Variants in CCDC102B observed in about 807,000 individuals in gnomAD.
The protein encoded by CCDC102B is coiled-coil domain-containing protein 102B.
In CCDC102B, 75 loss-of-function variants were observed where a neutral mutation model predicts 57.4. The observed-to-expected ratio is 1.31, with a 90% CI of 1.08 to 1.58. The LOEUF is 1.58. Among genes scored for constraint, CCDC102B ranks in the 40% most tolerant of loss-of-function variants. The pLI is 0.00. For synonymous variants in CCDC102B, 206 were observed against 201.9 expected, an observed-to-expected ratio of 1.02 and a Z score of -0.17; for missense variants, 636 against 582.6, an observed-to-expected ratio of 1.09 and a Z score of -0.94.
intron 6 of CCDC102B, among the ~76,000 whole-genome samples, chr18:69,005,336 G>A (rs1210859122): frequency 6.6e-6 from 1 of 152,026 alleles, no homozygotes; most frequent in African/African-American, 2.4e-5. Context: ...TGAACCATAT[G>A]TTATATGGTA....
chr18:68,757,528 T>TA (rs1568234813), intron 2 of CCDC102B, among the ~76,000 whole-genome samples: 1 of 152,170 alleles, frequency 6.6e-6, no homozygotes, highest in South Asian at 2.1e-4. Flanking sequence ...TAATGCTATT[T>TA]AAAAAAATAC....
intron 1 of CCDC102B, among the ~76,000 whole-genome samples, chr18:68,813,211 C>CCCTCTCT (rs2036339434): frequency 6.6e-6 from 1 of 151,986 alleles, no homozygotes; most frequent in Non-Finnish European, 1.5e-5. Flanking sequence ...CTGTCTCTCT[C>CCCTCTCT]CTGTTTCGCC....
rs1351129715 is a variant in CCDC102B at position 68,788,078 on chromosome 18, C to T, written c.-66-35288C>T. ...AACATCTTTATTTCTGCCTTCATTT[C>T]GTTATGTACCCAGTAGTCATTCAGG... is the stretch of plus-strand genomic sequence containing the variant. On this transcript the variant is annotated intron_variant, in intron 2 of 3. Transcript: ENST00000578970. Among the ~76,000 whole-genome samples, 14 of 151,590 alleles carry T rather than the reference C, an allele frequency of 9.2e-5. 1 individual carries two copies. Among genetic ancestry groups the T allele is most frequent in the Admixed American group, 3.3e-4 (5 of 15,238 alleles).
intron 6 of CCDC102B, among the ~76,000 whole-genome samples, chr18:68,934,140 C>T (rs1288297831): frequency 6.6e-6 from 1 of 151,888 alleles, no homozygotes; most frequent in African/African-American, 2.4e-5. Context: ...TTATAGTAAA[C>T]TAGTAATTTA....
intron 6 of CCDC102B, among the ~76,000 whole-genome samples, chr18:68,898,370 C>T (rs2040316302): frequency 6.6e-6 from 1 of 151,978 alleles, no homozygotes. Context: ...GGATTTATTG[C>T]AAATGCAAGA....
chr18:68,847,623 A>G (rs973504182), intron 4 of CCDC102B, among the ~76,000 whole-genome samples: 1 of 151,856 alleles, frequency 6.6e-6, no homozygotes, highest in African/African-American at 2.4e-5. Flanking sequence ...GACTTTTGGT[A>G]GCAAAGTAAG....
intron 6 of CCDC102B, among the ~76,000 whole-genome samples, chr18:68,924,189 A>G (rs959897604): frequency 6.7e-6 from 1 of 148,246 alleles, no homozygotes; most frequent in African/African-American, 2.5e-5. Context: ...TTTTCCTTAT[A>G]CACCTAATAT....
chr18:68,953,683 T>C (rs2049765454), intron 6 of CCDC102B, among the ~76,000 whole-genome samples: 2 of 152,114 alleles, frequency 1.3e-5, no homozygotes, highest in African/African-American at 4.8e-5. Flanking sequence ...TTGAGAGAAC[T>C]CTCATTACAT....
intron 6 of CCDC102B, 194 bp downstream of exon 6, chr18:68,897,622 G>A (rs770594740): frequency 6.5e-7 from 1 of 1,526,926 alleles, no homozygotes; most frequent in South Asian, 1.1e-5. Flanking sequence ...TGTGTCAAAT[G>A]TTAAAATATG....
intron 2 of CCDC102B, among the ~76,000 whole-genome samples, chr18:68,717,376 T>G (rs1254231859): frequency 6.6e-6 from 1 of 152,240 alleles, no homozygotes; most frequent in Admixed American, 6.5e-5. Context: ...CTCAATATTT[T>G]TTACTGATAA....
chr18:68,775,055 T>G (rs2034766177), intron 2 of CCDC102B, among the ~76,000 whole-genome samples: 1 of 151,230 alleles, frequency 6.6e-6, no homozygotes, highest in Non-Finnish European at 1.5e-5. Context: ...TCTTTTCACT[T>G]TGTATTCTAG....
chr18:68,948,783 C>T (rs1369214536), intron 6 of CCDC102B, among the ~76,000 whole-genome samples: 1 of 152,118 alleles, frequency 6.6e-6, no homozygotes, highest in Non-Finnish European at 1.5e-5. Context: ...ACTAGTGGTT[C>T]TAAGTGCCGA....
At chr18:68,907,115 A>G (rs1396237164) in intron 6 of CCDC102B, among the ~76,000 whole-genome samples, 1 of 152,138 alleles carries the variant, frequency 6.6e-6, no homozygotes, top group Non-Finnish European at 1.5e-5. Flanking sequence ...TCAATTATCC[A>G]TATAGGTATG....
intron 1 of CCDC102B, among the ~76,000 whole-genome samples, chr18:68,826,818 C>T (rs941533485): frequency 6.6e-6 from 1 of 151,982 alleles, no homozygotes; most frequent in Non-Finnish European, 1.5e-5. Context: ...TTTATTAGCA[C>T]CTGATTGATC....
chr18:68,832,252 C>T lies in CCDC102B; in HGVS notation c.-15-4497C>T, dbSNP rs560651290. On this transcript the variant is annotated intron_variant, in intron 1 of 7. Transcript: ENST00000360242. Reference sequence around the variant, plus strand: ...TGCCAAAAATGCTTTTCTTTCTGCCCCATTTCATTTTTCAGATAATACATA... The same window carrying T: ...TGCCAAAAATGCTTTTCTTTCTGCCTCATTTCATTTTTCAGATAATACATA... 2.6e-5 allele frequency among the ~76,000 whole-genome samples: 4 copies of T among 152,230 alleles called. No homozygotes were observed. The South Asian group carries it at 6.2e-4, about 24-fold the overall frequency.
chr18:68,839,412 T>C (rs2037524907), intron 3 of CCDC102B, among the ~76,000 whole-genome samples: 1 of 152,254 alleles, frequency 6.6e-6, no homozygotes, highest in Admixed American at 6.5e-5. Flanking sequence ...TGGTCTGATG[T>C]CTTCTAGCTA....
chr18:68,897,710 G>A, intron 6 of CCDC102B: 1 of 1,132,644 alleles, frequency 8.8e-7, no homozygotes, highest in Non-Finnish European at 1.2e-6. Flanking sequence ...CTGGTTTTTT[G>A]TTTCTTATTA....
chr18:68,853,672 TAAAAAAAA>T (rs71175201), intron 4 of CCDC102B, among the ~76,000 whole-genome samples: 1,269 of 94,654 alleles, frequency 0.013, 45 homozygotes, highest in African/African-American at 0.052. Context: ...CCCCAAATTG[TAAAAAAAA>T]AAAAAAAAAA....
At chr18:68,891,221 T>A (rs772896636) in intron 5 of CCDC102B, among the ~76,000 whole-genome samples, 70 of 152,212 alleles carry the variant, frequency 4.6e-4, no homozygotes, top group Admixed American at 2.2e-3. Context: ...TTCTGTGCAA[T>A]CCTTTTTGCT....
Sources: allele counts gnomAD v4.1 joint callset (sites outside exome capture counted in the v4.1 genomes callset), GRCh38; gene constraint gnomAD v4.1.1; transcripts MANE v1.5; gene names NCBI Gene and HGNC (gene_info 2026-07-23, HGNC 2026-07-21).